XRCC5: variants seen among roughly 807,000 people sequenced by gnomAD.
The protein encoded by XRCC5 is X-ray repair cross complementing 5.
Under a neutral mutation model 95.7 loss-of-function variants are expected in XRCC5, and 12 were observed. The ratio of observed to expected loss-of-function variants is 0.13; its 90% CI spans 0.08 to 0.20. The LOEUF (loss-of-function observed/expected upper bound fraction) is 0.20, where lower values mean the gene tolerates loss of function less well. Ranked by LOEUF, XRCC5 falls within the 10% of genes least tolerant of loss-of-function variation. XRCC5 has a pLI of 1.00. For missense variants in XRCC5, 595 were observed against 873.9 expected, an observed-to-expected ratio of 0.68 and a Z score of 4.02; for synonymous variants, 281 against 290.3, an observed-to-expected ratio of 0.97 and a Z score of 0.33.
At chr2:216,168,867 G>C (rs2106031808) in intron 16 of XRCC5, among the ~76,000 whole-genome samples, 1 of 152,332 alleles carries the variant, frequency 6.6e-6, no homozygotes, top group East Asian at 1.9e-4. Context: ...AATTGGAGGA[G>C]ATACATTTTC....
At chr2:216,133,430 T>G (rs1198702951) in intron 10 of XRCC5, among the ~76,000 whole-genome samples, 1 of 152,256 alleles carries the variant, frequency 6.6e-6, no homozygotes, top group Admixed American at 6.5e-5. Context: ...CCTACCTCTG[T>G]TTCCCAGATA....
intron 14 of XRCC5, among the ~76,000 whole-genome samples, chr2:216,149,761 G>A (rs771531532): frequency 3.3e-5 from 5 of 152,100 alleles, no homozygotes; most frequent in East Asian, 1.9e-4. Flanking sequence ...CAGTTCTGTC[G>A]TTTGATCCCT....
In XRCC5 at chr2:216,144,182, G is replaced by A. The variant is rs542504456; in HGVS notation, c.1476+2863G>A. Among the ~76,000 whole-genome samples, 7 of 152,310 alleles carry A rather than the reference G, an allele frequency of 4.6e-5. No individual in the cohort carries two copies. The South Asian group carries it at 1.5e-3, about 32-fold the overall frequency. On this transcript the variant is annotated intron_variant, in intron 13 of 20. Transcript: ENST00000392132. ...GCTGAGGAATTAGCATTTGGACAGAGTTCTAAAAGAACAAAGGCGGTGCAT... is the reference window on the plus strand; with the variant it reads ...GCTGAGGAATTAGCATTTGGACAGAATTCTAAAAGAACAAAGGCGGTGCAT...
chr2:216,180,111 C>G (rs555799729), intron 16 of XRCC5, among the ~76,000 whole-genome samples: 1 of 152,260 alleles, frequency 6.6e-6, no homozygotes, highest in East Asian at 1.9e-4. Flanking sequence ...GTCTGGACTT[C>G]AGGAAAAAGG....
At chr2:216,118,536 T>C (rs532201519) in intron 4 of XRCC5, among the ~76,000 whole-genome samples, 323 of 152,206 alleles carry the variant, frequency 2.1e-3, no homozygotes, top group African/African-American at 7.1e-3. Context: ...TCTGGAGACA[T>C]ATATGTGCAT....
chr2:216,162,024 CAGA>C lies in XRCC5; in HGVS notation c.1816_1818del (p.Lys606del), dbSNP rs777610868. 1.4e-5 allele frequency: 22 copies of C among 1,614,026 alleles called. No individual in the cohort carries two copies. Among genetic ancestry groups the C allele is most frequent in the South Asian group, 1.1e-4 (10 of 91,090 alleles). ...TGAAAACTTCCGTGTTCTAGTGAAA[CAGA>C]AGAAGGCCAGCTTTGAGGAAGGTGA... On this transcript the variant is annotated inframe_deletion, in exon 16 of 21. Transcript: ENST00000392132.
chr2:216,192,539 A>T, intron 17 of XRCC5, 100 bp from the exon 18 acceptor site: 1 of 662,460 alleles, frequency 1.5e-6, no homozygotes, highest in Non-Finnish European at 2.4e-6. Context: ...TTTTTGTAAT[A>T]AATAAGGTGA....
intron 9 of XRCC5, chr2:216,131,330 A>G (rs1374130362): frequency 1.1e-6 from 1 of 929,220 alleles, no homozygotes. Context: ...AGTGCTCATA[A>G]TGTCTCAACT....
intron 15 of XRCC5, among the ~76,000 whole-genome samples, chr2:216,161,427 C>T (rs1295766445): frequency 6.6e-6 from 1 of 152,196 alleles, no homozygotes; most frequent in Non-Finnish European, 1.5e-5. Context: ...TGCAGTACAT[C>T]TTTGTACATA....
chr2:216,156,448 C>T (rs1377850622), intron 14 of XRCC5: 36 of 717,922 alleles, frequency 5.0e-5, no homozygotes, highest in Admixed American at 8.9e-5. Context: ...TAGTCTCTAT[C>T]GTACAGCACT....
chr2:216,165,690 C>A (rs1689043259), intron 16 of XRCC5, among the ~76,000 whole-genome samples: 1 of 152,180 alleles, frequency 6.6e-6, no homozygotes, highest in Non-Finnish European at 1.5e-5. Flanking sequence ...ACAGGAATCC[C>A]TTCCCCTTTT....
At chr2:216,176,012 G>A (rs1039329383) in intron 16 of XRCC5, 3 of 205,314 alleles carry the variant, frequency 1.5e-5, no homozygotes, top group African/African-American at 4.8e-5. Context: ...AGGGGCAACC[G>A]GGTAGTGGTT....
intron 14 of XRCC5, among the ~76,000 whole-genome samples, chr2:216,150,433 C>G (rs115213098): frequency 1.3e-5 from 2 of 152,142 alleles, no homozygotes; most frequent in Non-Finnish European, 2.9e-5. Context: ...TTCTGAGAAC[C>G]GTGTCATTAG....
intron 13 of XRCC5, among the ~76,000 whole-genome samples, chr2:216,142,905 C>A (rs1265333897): frequency 6.6e-6 from 1 of 152,176 alleles, no homozygotes; most frequent in East Asian, 1.9e-4. Flanking sequence ...ACTCTGAATA[C>A]TCATGCCCCT....
chr2:216,175,805 ATGT>A (rs888081876), intron 16 of XRCC5: 1 of 440,462 alleles, frequency 2.3e-6, no homozygotes, highest in African/African-American at 2.1e-5. Flanking sequence ...AGCCCCTGGA[ATGT>A]TTGCTTGGGG....
chr2:216,148,808 A>G (rs1321888755), intron 14 of XRCC5, among the ~76,000 whole-genome samples: 1 of 152,150 alleles, frequency 6.6e-6, no homozygotes, highest in Non-Finnish European at 1.5e-5. Flanking sequence ...AGTATTGCAA[A>G]ATGCTTTTCA....
At chr2:216,165,574 A>G (rs1187945460) in intron 16 of XRCC5, among the ~76,000 whole-genome samples, 1 of 152,120 alleles carries the variant, frequency 6.6e-6, no homozygotes, top group Non-Finnish European at 1.5e-5. Context: ...GCATCTTTTT[A>G]CTAACGCCCT....
At chr2:216,202,064 A>G (rs1224942516) in intron 19 of XRCC5, among the ~76,000 whole-genome samples, 2 of 152,182 alleles carry the variant, frequency 1.3e-5, no homozygotes, top group Non-Finnish European at 2.9e-5. Flanking sequence ...GAGATGTGCC[A>G]TTTGTGCTTA....
At chr2:216,156,483 G>A (rs1688844776) in intron 14 of XRCC5, 1 of 659,356 alleles carries the variant, frequency 1.5e-6, no homozygotes, top group Admixed American at 1.8e-5. Flanking sequence ...AAGCCTCATC[G>A]ATGCTGACGC....
Sources: allele counts gnomAD v4.1 joint callset (sites outside exome capture counted in the v4.1 genomes callset), GRCh38; gene constraint gnomAD v4.1.1; transcripts MANE v1.5; gene names NCBI Gene and HGNC (gene_info 2026-07-23, HGNC 2026-07-21).